Variants in MGAT4C observed in about 807,000 individuals in gnomAD.
MGAT4C encodes MGAT4 family member C, also known as alpha-1,3-mannosyl-glycoprotein 4-beta-N-acetylglucosaminyltransferase C.
Under a neutral mutation model 40.1 loss-of-function variants are expected in MGAT4C, and 19 were observed. The observed-to-expected ratio is 0.47, with a 90% confidence interval of 0.33 to 0.70. MGAT4C has a LOEUF of 0.70. Ranked by LOEUF, MGAT4C falls within the 30% of genes least tolerant of loss-of-function variation. The probability of loss-of-function intolerance (pLI) is 0.02; values close to 1 mark genes in which losing one functional copy is unlikely to be tolerated. For synonymous variants in MGAT4C, 181 were observed against 187.1 expected (o/e 0.97, Z 0.27); for missense variants, 491 against 563.2 (o/e 0.87, Z 1.30).
At chr12:86,361,558 A>C (rs1176971650) in intron 3 of MGAT4C, among the ~76,000 whole-genome samples, 3 of 152,154 alleles carry the variant, frequency 2.0e-5, no homozygotes, top group African/African-American at 2.4e-5. Flanking sequence ...CAACCTACAG[A>C]ATGGGAGAAA....
chr12:86,540,993 A>G (rs1248760251), intron 2 of MGAT4C, among the ~76,000 whole-genome samples: 1 of 152,154 alleles, frequency 6.6e-6, no homozygotes, highest in Non-Finnish European at 1.5e-5. Context: ...CTTACCATAC[A>G]TACTCAAAGC....
At chr12:86,049,382 A>G (rs1156294611) in intron 2 of MGAT4C, among the ~76,000 whole-genome samples, 3 of 151,904 alleles carry the variant, frequency 2.0e-5, no homozygotes, top group Non-Finnish European at 4.4e-5. Flanking sequence ...TTGTATTAGA[A>G]TGTTTTGCTG....
chr12:86,248,844 T>A (rs991323968), intron 1 of MGAT4C, among the ~76,000 whole-genome samples: 2 of 152,146 alleles, frequency 1.3e-5, no homozygotes, highest in Non-Finnish European at 2.9e-5. Context: ...AATAAATTTC[T>A]GGGAGACAGC....
chr12:86,413,309 T>C (rs1362948941), intron 3 of MGAT4C, among the ~76,000 whole-genome samples: 2 of 151,958 alleles, frequency 1.3e-5, no homozygotes, highest in Non-Finnish European at 2.9e-5. Flanking sequence ...AAAATCTAAG[T>C]GAATAGCTAA....
intron 2 of MGAT4C, among the ~76,000 whole-genome samples, chr12:86,674,206 AT>A (rs1405096420): frequency 4.6e-5 from 7 of 152,196 alleles, no homozygotes; most frequent in Non-Finnish European, 8.8e-5. Flanking sequence ...TCACTTACAG[AT>A]CAAAATATGT....
chr12:86,008,173 CTG>C (rs1236312990), intron 2 of MGAT4C, among the ~76,000 whole-genome samples: 14 of 151,888 alleles, frequency 9.2e-5, no homozygotes, highest in Admixed American at 7.9e-4. Flanking sequence ...TTTGTTGAGT[CTG>C]TAAATTATTA....
chr12:86,355,831 A>G (rs1386101673), intron 3 of MGAT4C, among the ~76,000 whole-genome samples: 1 of 152,206 alleles, frequency 6.6e-6, no homozygotes, highest in Admixed American at 6.5e-5. Context: ...AACAACAGTA[A>G]TGACAACTGA....
At chr12:86,543,210 A>G (rs1565838084) in intron 2 of MGAT4C, among the ~76,000 whole-genome samples, 1 of 151,798 alleles carries the variant, frequency 6.6e-6, no homozygotes, top group Non-Finnish European at 1.5e-5. Flanking sequence ...TAAAGAAATT[A>G]CATAGCATTA....
intron 1 of MGAT4C, among the ~76,000 whole-genome samples, chr12:86,134,044 A>G (rs956312030): frequency 4.6e-5 from 7 of 152,118 alleles, no homozygotes; most frequent in African/African-American, 1.7e-4. Context: ...CTTGAATTCA[A>G]GAAGAAAAAA....
chr12:86,067,313 G>A (rs576585147), intron 1 of MGAT4C, among the ~76,000 whole-genome samples: 113 of 152,240 alleles, frequency 7.4e-4, no homozygotes, highest in African/African-American at 2.5e-3. Context: ...CAACCCAAAT[G>A]CCTATCAGTG....
intron 4 of MGAT4C, among the ~76,000 whole-genome samples, chr12:86,269,054 A>C (rs1261762720): frequency 3.8e-5 from 3 of 78,176 alleles, no homozygotes; most frequent in African/African-American, 1.4e-4. Context: ...ATATATATAT[A>C]TATATATTCT....
chr12:86,296,907 G>A (rs369666539), intron 4 of MGAT4C, among the ~76,000 whole-genome samples: 4 of 152,370 alleles, frequency 2.6e-5, no homozygotes, highest in Admixed American at 6.5e-5. Flanking sequence ...CAGAGGAAGC[G>A]CCCAGAGCGA....
intron 1 of MGAT4C, among the ~76,000 whole-genome samples, chr12:86,817,102 C>T (rs1045382936): frequency 6.6e-6 from 1 of 150,408 alleles, no homozygotes. Context: ...AATTTTCAAG[C>T]ATTCTTATTT....
intron 4 of MGAT4C, among the ~76,000 whole-genome samples, chr12:86,293,013 A>G (rs1270709728): frequency 6.6e-6 from 1 of 152,200 alleles, no homozygotes; most frequent in Non-Finnish European, 1.5e-5. Context: ...AGAGATATCA[A>G]TAAACAATTC....
At chr12:86,002,486 G>A (rs1205034547) in intron 2 of MGAT4C, 1 of 151,980 alleles carries the variant, frequency 6.6e-6, no homozygotes, top group Non-Finnish European at 1.5e-5. Context: ...AAACTATAAA[G>A]TAGAGGAAAT....
intron 1 of MGAT4C, among the ~76,000 whole-genome samples, chr12:86,254,051 C>T (rs1294619486): frequency 6.6e-6 from 1 of 151,718 alleles, no homozygotes; most frequent in Non-Finnish European, 1.5e-5. Context: ...ATACTGGTTA[C>T]ATAAGTCAGA....
At chr12:86,692,135 T>G (rs1270459634) in intron 2 of MGAT4C, among the ~76,000 whole-genome samples, 1 of 152,120 alleles carries the variant, frequency 6.6e-6, no homozygotes, top group Non-Finnish European at 1.5e-5. Context: ...AGGTATGTGA[T>G]CATGGTAACA....
chr12:86,774,423 T>TCTC (rs1565982090), intron 1 of MGAT4C, among the ~76,000 whole-genome samples: 3 of 124,702 alleles, frequency 2.4e-5, no homozygotes, highest in East Asian at 5.7e-4. Context: ...CTCTCTCTCT[T>TCTC]TCTTTCTTTC....
chr12:86,120,789 G>A (rs1188154942), intron 1 of MGAT4C, among the ~76,000 whole-genome samples: 3 of 152,174 alleles, frequency 2.0e-5, no homozygotes, highest in East Asian at 1.9e-4. Flanking sequence ...AAGATGGGGA[G>A]AAACCAAAGC....
Sources: allele counts gnomAD v4.1 joint callset (sites outside exome capture counted in the v4.1 genomes callset), GRCh38; gene constraint gnomAD v4.1.1; transcripts MANE v1.5; gene names NCBI Gene and HGNC (gene_info 2026-07-23, HGNC 2026-07-21).